Variants in KIAA1614 observed in about 807,000 individuals in gnomAD.
KIAA1614 encodes uncharacterized protein KIAA1614.
A neutral mutation model predicts 88.7 loss-of-function variants in KIAA1614; 76 were observed. That is an observed-to-expected ratio of 0.86 (90% confidence interval 0.71 to 1.04). The LOEUF (loss-of-function observed/expected upper bound fraction) is 1.04. Among genes scored for constraint, KIAA1614 ranks in the 50% least tolerant of loss-of-function variants. The pLI is 0.00. For synonymous variants in KIAA1614, 714 were observed against 675.5 expected, an observed-to-expected ratio of 1.06 and a Z score of -0.88; for missense variants, 1,553 against 1,582.5, an observed-to-expected ratio of 0.98 and a Z score of 0.32.
Position 180,935,940 on chromosome 1 carries a change from G to A in KIAA1614, c.2031G>A (p.Leu677=), listed in dbSNP as rs536565441. The A allele has an allele frequency of 6.2e-7, 1 of 1,614,026 alleles. No individual in the cohort carries two copies. Among genetic ancestry groups the A allele is most frequent in the South Asian group, 1.1e-5 (1 of 91,092 alleles). ...LPWGLQAQQH[L]PRADDVEVEN... is the part of the protein sequence containing the mutation. ...GGGGCCTTCAGGCCCAGCAACACCT[G>A]CCTAGGGCTGATGATGTGGAGGTGG... The change falls in exon 5 of 9, where the codon CTG becomes CTA. Residue 677 remains leucine (L), a synonymous_variant. Coordinates refer to ENST00000367588, the MANE Select transcript of KIAA1614 (RefSeq NM_020950.2). This position sits in a 1 kb window ranked among gnomAD's most constrained non-coding sequence, Gnocchi z 6.1.
chr1:180,936,027 T>A lies in KIAA1614; in HGVS notation c.2118T>A (p.Asp706Glu). The change falls in exon 5 of 9, where the codon GAT (aspartate) becomes GAA (glutamate). Residue 706 changes from aspartate (D) to glutamate (E), a missense_variant. Physicochemically the swap from Asp to Glu is conservative, Grantham distance 45. Coordinates refer to ENST00000367588, the MANE Select transcript of KIAA1614 (RefSeq NM_020950.2). ...AAGGAACTCTATTTTTGAGAGAAGATGCCAAGCCTCCTGACCTGGAGTTGA... is the reference window on the plus strand; with the variant it reads ...AAGGAACTCTATTTTTGAGAGAAGAAGCCAAGCCTCCTGACCTGGAGTTGA... ...TPEGTLFLRE[D>E]AKPPDLELKR... 1.9e-6 allele frequency: 3 copies of A among 1,614,030 alleles called. No individual in the cohort carries two copies. The highest frequency in any genetic ancestry group is 2.5e-6 in the Non-Finnish European group (3 of 1,179,914).
chr1:180,943,737 A>G (rs895060950), intron 7 of KIAA1614, among the ~76,000 whole-genome samples: 1 of 150,750 alleles, frequency 6.6e-6, no homozygotes, highest in African/African-American at 2.4e-5. Context: ...TAGTAGAGAC[A>G]GGGTTTCACC....
intron 6 of KIAA1614, among the ~76,000 whole-genome samples, 171 bp from the exon 7 acceptor site, chr1:180,940,874 G>A (rs992386629): frequency 4.0e-4 from 61 of 152,050 alleles, no homozygotes; most frequent in African/African-American, 1.2e-3. Flanking sequence ...ACCACACCCG[G>A]CTTCCACTTG....
intron 6 of KIAA1614, among the ~76,000 whole-genome samples, chr1:180,938,924 A>G (rs1411855714): frequency 2.0e-5 from 3 of 152,206 alleles, no homozygotes; most frequent in African/African-American, 7.2e-5. Context: ...TGGAGCATCC[A>G]TTGAACGGCC....
intron 4 of KIAA1614, among the ~76,000 whole-genome samples, chr1:180,932,723 TTTTG>T (rs1042851851): frequency 2.6e-4 from 40 of 152,014 alleles, no homozygotes; most frequent in African/African-American, 9.2e-4. Flanking sequence ...TTGGTTTTGT[TTTTG>T]TTTGTTTGTT....
At chr1:180,945,207 T>C (rs889599977) in intron 8 of KIAA1614, 96 bp from the exon 9 acceptor site, 2 of 1,372,866 alleles carry the variant, frequency 1.5e-6, no homozygotes, top group African/African-American at 3.0e-5. Context: ...GCCAGGCTCT[T>C]AAGTCTGTGA....
At chr1:180,942,573 T>C (rs1654492765) in intron 7 of KIAA1614, among the ~76,000 whole-genome samples, 1 of 152,002 alleles carries the variant, frequency 6.6e-6, no homozygotes, top group Non-Finnish European at 1.5e-5. Flanking sequence ...GCTGGTTGAG[T>C]GAATGGAAGG....
At chr1:180,932,073 C>T (rs12096594) in intron 4 of KIAA1614, among the ~76,000 whole-genome samples, 1 of 152,162 alleles carries the variant, frequency 6.6e-6, no homozygotes, top group Non-Finnish European at 1.5e-5. Context: ...AGGGACCCCA[C>T]AGCTGACCTA....
At chr1:180,928,260 C>A in intron 3 of KIAA1614, 170 bp from the exon 4 acceptor site, 2 of 783,540 alleles carry the variant, frequency 2.6e-6, no homozygotes, top group Non-Finnish European at 3.8e-6. Flanking sequence ...AGGCCCCAGG[C>A]CCCAGGCCCC....
At chr1:180,922,098 C>G (rs1010804464) in intron 3 of KIAA1614, among the ~76,000 whole-genome samples, 2 of 152,228 alleles carry the variant, frequency 1.3e-5, no homozygotes, top group Admixed American at 6.5e-5. Context: ...CCTCCTCGGC[C>G]GTCTCCATAG....
At chr1:180,925,678 C>A (rs751094065) in intron 3 of KIAA1614, among the ~76,000 whole-genome samples, 1 of 152,192 alleles carries the variant, frequency 6.6e-6, no homozygotes, top group Non-Finnish European at 1.5e-5. Context: ...CTGGCCGAGA[C>A]GGGAGTGCCC....
chr1:180,917,995 G>T, intron 3 of KIAA1614, 81 bp downstream of exon 3: 1 of 1,231,486 alleles, frequency 8.1e-7, no homozygotes, highest in South Asian at 1.2e-5. Context: ...GACAGTAAGA[G>T]ACCTCCCAAA....
intron 4 of KIAA1614, among the ~76,000 whole-genome samples, chr1:180,932,227 G>C (rs1368368014): frequency 4.6e-5 from 7 of 152,118 alleles, no homozygotes; most frequent in Admixed American, 3.9e-4. Context: ...ATTGAGATGA[G>C]TAGTGAGATC....
intron 3 of KIAA1614, among the ~76,000 whole-genome samples, chr1:180,927,160 C>T (rs1034003972): frequency 2.0e-5 from 3 of 152,156 alleles, no homozygotes; most frequent in African/African-American, 7.2e-5. Context: ...CTCTGTCACC[C>T]AGGAAACTGC....
chr1:180,935,429 C>G lies in KIAA1614; in HGVS notation c.1520C>G (p.Ala507Gly). 1 of 1,471,726 alleles carries G rather than the reference C, an allele frequency of 6.8e-7. No individual in the cohort carries two copies. Among genetic ancestry groups the G allele is most frequent in the Admixed American group, 2.5e-5 (1 of 40,722 alleles). The allele number at this position is 1,471,726 out of a possible 1,614,324, so 91.2% of individuals were successfully genotyped here. A position where few individuals can be genotyped will look rare whatever the true frequency, so the allele number is the denominator to read the frequency against. ...AACGGGGCTCCCCGGCTCCGGGACG[C>G]GGGGCAGGGGACATTCCACAGGCTT... ...YINGAPRLRDAGQGTFHRLVG... is the reference protein window; with the variant it reads ...YINGAPRLRDGGQGTFHRLVG... The change falls in exon 5 of 9, where the codon GCG becomes GGG. Residue 507 changes from alanine (A) to glycine (G), a missense_variant. Coordinates refer to ENST00000367588, the MANE Select transcript of KIAA1614 (RefSeq NM_020950.2). This position sits in a 1 kb window ranked among gnomAD's most constrained non-coding sequence, Gnocchi z 6.1.
Position 180,936,436 on chromosome 1 carries a change from C to T in KIAA1614, c.2527C>T (p.Pro843Ser). The change falls in exon 5 of 9, where the codon CCT becomes TCT. Residue 843 changes from proline to serine, a missense_variant. Coordinates refer to ENST00000367588, the MANE Select transcript of KIAA1614 (RefSeq NM_020950.2). ...TGACCAGACAGAGCCTGTGGGTATC[C>T]CTCGGCCTCCTTCAAGAAGCGCGGT... ...LGDQTEPVGI[P>S]RPPSRSAVLR... is the part of the protein sequence containing the mutation. The T allele has an allele frequency of 6.2e-7, 1 of 1,614,146 alleles. No individual in the cohort carries two copies. Among genetic ancestry groups the T allele is most frequent in the Non-Finnish European group, 8.5e-7 (1 of 1,179,998 alleles).
chr1:180,931,822 A>C (rs1257991656), intron 4 of KIAA1614, among the ~76,000 whole-genome samples: 2 of 152,172 alleles, frequency 1.3e-5, no homozygotes, highest in East Asian at 1.9e-4. Context: ...CTCCCTAGAA[A>C]TTACAGCCCA....
rs2102282312 is a variant in KIAA1614 at position 180,951,007 on chromosome 1, G to C, written c.*5419G>C. ...CCTCCCTACTCCATTCACTGCCCTT[G>C]CCCTTTATCCAGAAATGGGCAAAGT... On this transcript the variant is annotated 3_prime_UTR_variant, in exon 9 of 9. Coordinates refer to ENST00000367588, the MANE Select transcript of KIAA1614 (RefSeq NM_020950.2). 6.6e-6 allele frequency: 1 copy of C among 152,308 alleles called. No individual in the cohort carries two copies. Among genetic ancestry groups the C allele is most frequent in the East Asian group, 1.9e-4 (1 of 5,188 alleles). 9.4% of individuals were successfully genotyped at this position (152,308 alleles called of 1,614,324 possible).
rs1201809933 is a variant in KIAA1614, at chr1:180,935,506, G to A, written c.1597G>A (p.Glu533Lys). Reference protein sequence around the residue: ...GHPAPPAPGSERRCQACGSCI... With the variant: ...GHPAPPAPGSKRRCQACGSCI... ...CCCGGCACCGCCGGCACCGGGCAGC[G>A]AGAGGAGGTGCCAGGCCTGCGGCAG... The change falls in exon 5 of 9, where the codon GAG (glutamate) becomes AAG (lysine). Residue 533 changes from glutamate (E) to lysine (K), a missense_variant. Transcript: ENST00000367588. This position sits in a 1 kb window ranked among gnomAD's most constrained non-coding sequence, Gnocchi z 6.1. 1.3e-6 allele frequency: 2 copies of A among 1,522,254 alleles called. No homozygotes were observed. Among genetic ancestry groups the A allele is most frequent in the African/African-American group, 1.4e-5 (1 of 72,652 alleles). The allele number at this position is 1,522,254 out of a possible 1,614,324, so 94.3% of individuals were successfully genotyped here.
Sources: gnomAD v4.1 joint callset for allele counts (sites outside exome capture counted in the v4.1 genomes callset) on GRCh38, gnomAD v4.1.1 for gene constraint, Gnocchi (gnomAD v3.1) non-coding constraint, MANE v1.5 for transcripts, NCBI Gene and HGNC (gene_info 2026-07-23, HGNC 2026-07-21) for gene names.